The following CFAP20DC variants were observed in gnomAD, a reference collection of about 807,000 sequenced individuals.
CFAP20DC encodes protein CFAP20DC.
CFAP20DC carries 84 observed loss-of-function variants against 101.7 expected under a neutral mutation model. That is an observed-to-expected ratio of 0.83 (90% confidence interval 0.69 to 0.99). The LOEUF is 0.99. Ranked by LOEUF, CFAP20DC falls within the 50% of genes least tolerant of loss-of-function variation. The pLI is 0.00. For synonymous variants in CFAP20DC, 359 were observed against 351.2 expected (o/e 1.02, Z -0.25); for missense variants, 1,007 against 970.3 (o/e 1.04, Z -0.50).
intron 5 of CFAP20DC, among the ~76,000 whole-genome samples, chr3:58,934,758 T>C (rs2087277091): frequency 6.6e-6 from 1 of 152,206 alleles, no homozygotes; most frequent in African/African-American, 2.4e-5. Flanking sequence ...AATTAGGTAT[T>C]GATGGGACAT....
At chr3:58,872,036 A>G (rs997157536) in intron 7 of CFAP20DC, among the ~76,000 whole-genome samples, 6 of 152,154 alleles carry the variant, frequency 3.9e-5, no homozygotes, top group Non-Finnish European at 8.8e-5. Flanking sequence ...GGAACTCCTG[A>G]TTGGACTACA....
At chr3:58,856,311 C>CACAT (rs10576279) in intron 12 of CFAP20DC, among the ~76,000 whole-genome samples, 3 of 132,642 alleles carry the variant, frequency 2.3e-5, no homozygotes, top group Admixed American at 2.1e-4. Context: ...CACACACACA[C>CACAT]ACATAACTGA....
rs2108364026 is a variant in CFAP20DC, at chr3:58,971,187, C to T, written c.279-33425G>A. Among the ~76,000 whole-genome samples, 1 of 152,270 alleles carries T rather than the reference C, an allele frequency of 6.6e-6. No homozygotes were observed. Among genetic ancestry groups the T allele is most frequent in the East Asian group, 1.9e-4 (1 of 5,186 alleles). On this transcript the variant is annotated intron_variant, in intron 4 of 16. Transcript: ENST00000482387. The surrounding 1 kb of genome is among the most constrained non-coding windows in gnomAD (Gnocchi z 4.1). The stretch of plus-strand genomic sequence containing the variant: ...CTAACAGTACCATCACAAACGATCA[C>T]TTTCTGAAGCTTACCATAAAGAAGA...
At chr3:58,842,788 G>A (rs752724312) in intron 13 of CFAP20DC, among the ~76,000 whole-genome samples, 15 of 152,196 alleles carry the variant, frequency 9.9e-5, no homozygotes, top group African/African-American at 1.4e-4. Flanking sequence ...AAGGAGCAGT[G>A]GTTCTCCCAG....
intron 6 of CFAP20DC, among the ~76,000 whole-genome samples, chr3:58,902,993 G>A (rs927690796): frequency 6.6e-6 from 1 of 151,756 alleles, no homozygotes; most frequent in Non-Finnish European, 1.5e-5. Context: ...ACTATATTCC[G>A]GGTACTAGAA....
At chr3:58,831,457 A>C (rs965929969) in intron 14 of CFAP20DC, among the ~76,000 whole-genome samples, 1 of 152,234 alleles carries the variant, frequency 6.6e-6, no homozygotes, top group African/African-American at 2.4e-5. Context: ...GTGATTTGAT[A>C]TATCATCATA....
chr3:58,854,671 A>T (rs1003113823), intron 12 of CFAP20DC, among the ~76,000 whole-genome samples: 12 of 151,966 alleles, frequency 7.9e-5, no homozygotes, highest in African/African-American at 2.9e-4. Context: ...GAGCCCTCAG[A>T]AATAATGCCA....
chr3:59,015,457 GAA>G lies in CFAP20DC; in HGVS notation c.278+24098_278+24099del, dbSNP rs1364745894. ...GAGAGGACAAAGAAGAAAAACAAGA[GAA>G]AGAGGGAAAAGGATGAGGGAGAAAA... On this transcript the variant is annotated intron_variant, in intron 4 of 16. Coordinates refer to ENST00000482387, the MANE Select transcript of CFAP20DC (RefSeq NM_001394063.1). The surrounding 1 kb of genome is among the most constrained non-coding windows in gnomAD (Gnocchi z 5.4). Among the ~76,000 whole-genome samples, 93 of 151,452 alleles carry G rather than the reference GAA, an allele frequency of 6.1e-4. No individual in the cohort carries two copies. In the Admixed American group the frequency reaches 6.1e-3, roughly 10 times the overall value.
Position 58,911,592 on chromosome 3 carries a change from T to A in CFAP20DC, c.550+2116A>T, listed in dbSNP as rs577987002. Among the ~76,000 whole-genome samples the A allele has an allele frequency of 1.6e-4, 24 of 152,280 alleles. No homozygotes were observed. The South Asian group carries it at 4.8e-3, about 30-fold the overall frequency. On this transcript the variant is annotated intron_variant, in intron 6 of 16. Transcript: ENST00000482387. ...TGATTTCTGCATGTTTCTATATGTA[T>A]ATAAAATCTATAATATAGTAACACT...
intron 15 of CFAP20DC, among the ~76,000 whole-genome samples, chr3:58,789,517 A>G (rs1348106076): frequency 6.6e-6 from 1 of 152,188 alleles, no homozygotes. Context: ...TGATATGCTA[A>G]AAAGGCTCTG....
At chr3:59,048,819 G>A (rs1700083380) in intron 1 of CFAP20DC, among the ~76,000 whole-genome samples, 1 of 152,160 alleles carries the variant, frequency 6.6e-6, no homozygotes, top group Non-Finnish European at 1.5e-5. Context: ...TGTAAACAAG[G>A]AGTGTAACCT....
intron 6 of CFAP20DC, among the ~76,000 whole-genome samples, chr3:58,903,422 G>T (rs557714968): frequency 2.2e-4 from 33 of 152,216 alleles, no homozygotes; most frequent in African/African-American, 7.5e-4. Context: ...TGGTCTTATA[G>T]CCCTTTTTGA....
intron 15 of CFAP20DC, among the ~76,000 whole-genome samples, chr3:58,800,561 T>C (rs1037920625): frequency 2.0e-5 from 3 of 152,178 alleles, no homozygotes; most frequent in African/African-American, 4.8e-5. Flanking sequence ...GGCAGCTACA[T>C]AGATCAGTTT....
Position 58,861,321 on chromosome 3 carries a change from C to T in CFAP20DC, c.1593+2237G>A. On this transcript the variant is annotated intron_variant, in intron 12 of 16. Coordinates refer to ENST00000482387, the MANE Select transcript of CFAP20DC (RefSeq NM_001394063.1). This position sits in a 1 kb window ranked among gnomAD's most constrained non-coding sequence, Gnocchi z 4.0. ...TTGTCCACCATTATTTACAACTTGA[C>T]ATTATGTTTTCCTGAAGTATAATTA... 1 of 730,168 alleles carries T rather than the reference C, an allele frequency of 1.4e-6. No individual in the cohort carries two copies. The highest frequency in any genetic ancestry group is 6.3e-5 in the South Asian group (1 of 15,926). The allele number at this position is 730,168 out of a possible 1,614,324, so 45.2% of individuals were successfully genotyped here.
chr3:58,873,856 T>G (rs1358111848), intron 7 of CFAP20DC, among the ~76,000 whole-genome samples: 1 of 152,076 alleles, frequency 6.6e-6, no homozygotes, highest in Non-Finnish European at 1.5e-5. Flanking sequence ...GAAGTCTGGA[T>G]AGCTGTTCTA....
At chr3:58,809,869 A>G (rs2074455907) in intron 14 of CFAP20DC, among the ~76,000 whole-genome samples, 2 of 152,182 alleles carry the variant, frequency 1.3e-5, no homozygotes, top group African/African-American at 4.8e-5. Flanking sequence ...GATAAAGGGG[A>G]TATCACCACC....
At chr3:58,876,293 ATCGGG>A (rs879515100) in intron 7 of CFAP20DC, among the ~76,000 whole-genome samples, 2 of 152,116 alleles carry the variant, frequency 1.3e-5, no homozygotes, top group Non-Finnish European at 1.5e-5. Flanking sequence ...ATCTACCATA[ATCGGG>A]TCCTAATTAA....
chr3:59,038,332 T>A (rs572815824), intron 4 of CFAP20DC, among the ~76,000 whole-genome samples: 1 of 152,032 alleles, frequency 6.6e-6, no homozygotes, highest in African/African-American at 2.4e-5. Flanking sequence ...GAAATATAAG[T>A]GTGGAAAACC....
At position 58,746,257 on chromosome 3, in the gene CFAP20DC, A is replaced by T. The variant is rs537883788; in HGVS notation, c.2333-3685T>A. On this transcript the variant is annotated intron_variant, in intron 16 of 16. Coordinates refer to ENST00000482387, the MANE Select transcript of CFAP20DC (RefSeq NM_001394063.1). ...TTTTTTCCATCAGGTGTAATGTTTA[A>T]ATCACATATCCCTGAGGTAAATGAT... is the stretch of plus-strand genomic sequence containing the variant. Among the ~76,000 whole-genome samples, 77 of 152,316 alleles carry T rather than the reference A, an allele frequency of 5.1e-4. 1 individual carries two copies. The highest frequency in any genetic ancestry group is 1.8e-3 in the African/African-American group (73 of 41,568).
Sources: allele counts gnomAD v4.1 joint callset (sites outside exome capture counted in the v4.1 genomes callset), GRCh38; gene constraint gnomAD v4.1.1; non-coding constraint Gnocchi (gnomAD v3.1); transcripts MANE v1.5; gene names NCBI Gene and HGNC (gene_info 2026-07-23, HGNC 2026-07-21).